The following UNC79 variants were observed in gnomAD, a reference collection of about 807,000 sequenced individuals.
UNC79 encodes the protein protein unc-79 homolog.
UNC79 carries 37 observed loss-of-function variants against 283.1 expected under a neutral mutation model. That is an observed-to-expected ratio of 0.13 (90% confidence interval 0.10 to 0.17). The LOEUF (loss-of-function observed/expected upper bound fraction) is 0.17. Among genes scored for constraint, UNC79 ranks in the 10% least tolerant of loss-of-function variants. UNC79 has a pLI of 1.00. For synonymous variants in UNC79, 1,107 were observed against 1,200.2 expected (o/e 0.92, Z 1.61); for missense variants, 2,272 against 3,211.1 (o/e 0.71, Z 7.07).
At chr14:93,561,081 CT>C (rs1316700709) in intron 14 of UNC79, among the ~76,000 whole-genome samples, 1 of 152,130 alleles carries the variant, frequency 6.6e-6, no homozygotes, top group African/African-American at 2.4e-5. Context: ...GCAATAATTA[CT>C]GCTAATGTTT....
At chr14:93,470,854 T>C in intron 2 of UNC79, among the ~76,000 whole-genome samples, 1 of 152,206 alleles carries the variant, frequency 6.6e-6, no homozygotes, top group Middle Eastern at 3.2e-3. Context: ...TCTGTTCTTT[T>C]TATATTGGAA....
intron 3 of UNC79, 120 bp from the exon 4 acceptor site, chr14:93,477,438 A>C: frequency 2.7e-6 from 2 of 735,078 alleles, no homozygotes; most frequent in Non-Finnish European, 4.2e-6. Flanking sequence ...AACACTTAAT[A>C]GAGATGGAGC....
intron 14 of UNC79, among the ~76,000 whole-genome samples, chr14:93,548,899 T>C (rs2141270946): frequency 6.6e-6 from 1 of 152,344 alleles, no homozygotes; most frequent in East Asian, 1.9e-4. Flanking sequence ...AGAAAACTAT[T>C]AGACAACTGT....
At chr14:93,643,530 G>C (rs773202430) in intron 33 of UNC79, 27 bp from the exon 37 acceptor site, 1 of 1,613,566 alleles carries the variant, frequency 6.2e-7, no homozygotes, top group Non-Finnish European at 8.5e-7. Flanking sequence ...TTCTTTCATG[G>C]AAAGCATGTC....
chr14:93,463,942 G>A (rs907148275), intron 1 of UNC79, among the ~76,000 whole-genome samples: 79 of 152,266 alleles, frequency 5.2e-4, no homozygotes, highest in African/African-American at 1.9e-3. Flanking sequence ...GAGGTCAGGA[G>A]ATTGAGACCA....
chr14:93,477,452 A>T, intron 3 of UNC79, 106 bp from the exon 4 acceptor site: 1 of 843,210 alleles, frequency 1.2e-6, no homozygotes, highest in Non-Finnish European at 1.8e-6. Flanking sequence ...ATGGAGCACT[A>T]GTTGCTTATA....
At chr14:93,655,480 AGTCTTGG>A in intron 38 of UNC79, 73 bp downstream of exon 41, 1 of 1,541,382 alleles carries the variant, frequency 6.5e-7, no homozygotes, top group South Asian at 1.2e-5. Flanking sequence ...CAAGCAGCAG[AGTCTTGG>A]GTGATTTAAT....
intron 1 of UNC79, among the ~76,000 whole-genome samples, chr14:93,382,978 T>C (rs1234329011): frequency 1.3e-5 from 2 of 152,198 alleles, no homozygotes; most frequent in African/African-American, 4.8e-5. Context: ...AGATAGAATA[T>C]GATAAATATT....
chr14:93,707,191 G>A (rs2075929768), downstream of UNC79: 3 of 330,790 alleles, frequency 9.1e-6, no homozygotes. Flanking sequence ...AAAAAAAATA[G>A]ACTGGTGGGT....
intron 47 of UNC79, among the ~76,000 whole-genome samples, chr14:93,703,342 C>A (rs746656969): frequency 1.7e-4 from 26 of 152,192 alleles, no homozygotes; most frequent in Non-Finnish European, 2.8e-4. Context: ...GGGTTGGTTT[C>A]TTTTAAGGGA....
Position 93,404,493 on chromosome 14 carries a change from A to AAAAAAAAAAAAAAT in UNC79, c.-350-63177_-350-63176insAAAAAAAAAAAATA. On this transcript the variant is annotated intron_variant, in intron 1 of 49. Coordinates refer to the UNC79 transcript ENST00000256339. ...TGACAGAGTGAGACCTTCTAAAAAAAATATATATATATATATATATAAATA... is the reference window on the plus strand; with the variant it reads ...TGACAGAGTGAGACCTTCTAAAAAAAAAAAAAAAAAAAATATATATATATATATATATATAAATA... 8.3e-4 allele frequency among the ~76,000 whole-genome samples: 51 copies of AAAAAAAAAAAAAAT among 61,498 alleles called. 1 individual carries two copies. The South Asian group carries it at 0.021, about 26-fold the overall frequency. The allele number at this position is 61,498 out of a possible 152,430, so 40.3% of individuals were successfully genotyped here.
chr14:93,577,678 A>G (rs2141690931), intron 17 of UNC79, among the ~76,000 whole-genome samples, 164 bp from the exon 18 acceptor site: 1 of 152,168 alleles, frequency 6.6e-6, no homozygotes, highest in Admixed American at 6.5e-5. Context: ...TCTTGTTTTT[A>G]TATATTGAGA....
At chr14:93,643,749 T>G in intron 34 of UNC79, 52 bp downstream of exon 37, 1 of 1,584,486 alleles carries the variant, frequency 6.3e-7, no homozygotes, top group Non-Finnish European at 8.5e-7. Flanking sequence ...ATTCAGTCTC[T>G]ATCTTGAACT....
At chr14:93,549,368 G>A (rs2061758664) in intron 14 of UNC79, among the ~76,000 whole-genome samples, 1 of 152,114 alleles carries the variant, frequency 6.6e-6, no homozygotes, top group Non-Finnish European at 1.5e-5. Flanking sequence ...TGAGTAGTAA[G>A]CCCAGGTAGA....
chr14:93,582,749 G>A (rs1363004287), intron 20 of UNC79, among the ~76,000 whole-genome samples: 1 of 152,178 alleles, frequency 6.6e-6, no homozygotes, highest in East Asian at 1.9e-4. Flanking sequence ...CTACTTTGCT[G>A]GCTCTTAGCT....
At chr14:93,672,367 G>C (rs1452392933) in intron 40 of UNC79, among the ~76,000 whole-genome samples, 1 of 152,144 alleles carries the variant, frequency 6.6e-6, no homozygotes, top group Non-Finnish European at 1.5e-5. Flanking sequence ...AATAGCAACA[G>C]GGATGGAATT....
chr14:93,590,000 A>G (rs547687658), intron 22 of UNC79, among the ~76,000 whole-genome samples: 2 of 152,250 alleles, frequency 1.3e-5, no homozygotes, highest in South Asian at 2.1e-4. Context: ...ACTTTCTTCC[A>G]TCTCTCCTGG....
intron 14 of UNC79, among the ~76,000 whole-genome samples, chr14:93,567,711 G>T (rs868550954): frequency 1.8e-4 from 27 of 152,272 alleles, no homozygotes; most frequent in African/African-American, 6.0e-4. Flanking sequence ...TCAGTAGAAT[G>T]ACTACTTTCT....
chr14:93,640,069 A>T (rs900482098), intron 32 of UNC79, among the ~76,000 whole-genome samples: 1 of 152,134 alleles, frequency 6.6e-6, no homozygotes, highest in African/African-American at 2.4e-5. Flanking sequence ...ATTCTGGATG[A>T]TCCCTTTGAG....
Sources: gnomAD v4.1 joint callset for allele counts (sites outside exome capture counted in the v4.1 genomes callset) on GRCh38, gnomAD v4.1.1 for gene constraint, MANE v1.5 for transcripts, NCBI Gene and HGNC (gene_info 2026-07-23, HGNC 2026-07-21) for gene names.